Variants in CLIP2 observed in about 807,000 individuals in gnomAD.
The protein encoded by CLIP2 is CAP-Gly domain-containing linker protein 2.
A neutral mutation model predicts 111.7 loss-of-function variants in CLIP2; 41 were observed. That is an observed-to-expected ratio of 0.37 (90% CI 0.29 to 0.48). The LOEUF (loss-of-function observed/expected upper bound fraction) is 0.48. CLIP2 is among the 20% of genes least tolerant of loss of function. CLIP2 has a pLI of 0.99. For missense variants in CLIP2, 1,160 were observed against 1,422.1 expected (o/e 0.82, Z 2.96); for synonymous variants, 660 against 644.2 (o/e 1.02, Z -0.37).
Position 74,405,213 on chromosome 7 carries a change from C to G in CLIP2, c.*1365C>G, listed in dbSNP as rs775426990. On this transcript the variant is annotated 3_prime_UTR_variant, in exon 17 of 17. Coordinates refer to ENST00000223398, the MANE Select transcript of CLIP2 (RefSeq NM_003388.5). ...GCCAGCCTTGGCCCTGCAGCCTCCA[C>G]CTCGCCGCTGGGGGACCAACAGGTT... The G allele has an allele frequency of 5.3e-5, 8 of 152,340 alleles. No individual in the cohort carries two copies. Among genetic ancestry groups the G allele is most frequent in the Non-Finnish European group, 1.2e-4 (8 of 68,170 alleles). The allele number at this position is 152,340 out of a possible 1,614,324, so 9.4% of individuals were successfully genotyped here.
chr7:74,386,583 A>C lies in CLIP2; in HGVS notation c.2542A>C (p.Met848Leu), dbSNP rs1791107394. ...EVTALTSQTE[M>L]LRAQVSALES... is the part of the protein sequence containing the mutation. ...GACAGCCTTGACCTCCCAGACCGAG[A>C]TGCTCAGGGCCCAAGTAAGTGGTAA... The change falls in exon 12 of 17, where the codon ATG becomes CTG. Residue 848 changes from methionine to leucine, a missense_variant. By Grantham distance (15) the Met-to-Leu change is conservative. This residue lies in a region of CLIP2 where 676 missense variants were observed against 777.8 expected (regional missense o/e 0.87). Coordinates refer to ENST00000223398, the MANE Select transcript of CLIP2 (RefSeq NM_003388.5). The C allele has an allele frequency of 1.9e-6, 3 of 1,610,304 alleles. No individual in the cohort carries two copies. The highest frequency in any genetic ancestry group is 2.5e-6 in the Non-Finnish European group (3 of 1,178,514).
intron 10 of CLIP2, 39 bp from the exon 11 acceptor site, chr7:74,380,767 C>G: frequency 7.0e-6 from 11 of 1,563,960 alleles, no homozygotes; most frequent in Non-Finnish European, 8.7e-6. Context: ...GGCCAAGGGG[C>G]AGAGGTGAGC....
intron 10 of CLIP2, among the ~76,000 whole-genome samples, chr7:74,378,494 T>G (rs1211782562): frequency 6.6e-6 from 1 of 152,000 alleles, no homozygotes; most frequent in Non-Finnish European, 1.5e-5. Flanking sequence ...AATTCCAGCA[T>G]TTCGAGAGGC....
chr7:74,344,969 T>C (rs1206349926), intron 3 of CLIP2, among the ~76,000 whole-genome samples: 1 of 152,110 alleles, frequency 6.6e-6, no homozygotes, highest in Non-Finnish European at 1.5e-5. Context: ...CCAGCTGGGA[T>C]TGAGAAGGCC....
At chr7:74,403,777 G>A in intron 16 of CLIP2, 60 bp from the exon 17 acceptor site, 1 of 1,596,212 alleles carries the variant, frequency 6.3e-7, no homozygotes, top group Non-Finnish European at 8.6e-7. Context: ...CTCCCCTCTG[G>A]CCGCCTGGCC....
At chr7:74,308,757 G>A (rs903836948) in intron 1 of CLIP2, among the ~76,000 whole-genome samples, 1 of 151,970 alleles carries the variant, frequency 6.6e-6, no homozygotes, top group East Asian at 1.9e-4. Flanking sequence ...TGCCTGCCTC[G>A]GCCGTCTTTT....
Position 74,372,934 on chromosome 7 carries a change from C to A in CLIP2, c.1383C>A (p.Thr461=). 1 of 1,536,266 alleles carries A rather than the reference C, an allele frequency of 6.5e-7. No homozygotes were observed. The change falls in exon 9 of 17, where the codon ACC becomes ACA. Residue 461 remains threonine (T), a splice_region_variant and synonymous_variant. Coordinates refer to ENST00000223398, the MANE Select transcript of CLIP2 (RefSeq NM_003388.5). ...EESITKGDLE[T]QTQLEHARIG... ...CGTGTCCACCCTGGGTGGACCAGACCCAGACGCAGCTGGAGCACGCGCGCA... is the reference window on the plus strand; with the variant it reads ...CGTGTCCACCCTGGGTGGACCAGACACAGACGCAGCTGGAGCACGCGCGCA...
intron 1 of CLIP2, among the ~76,000 whole-genome samples, chr7:74,314,029 A>G (rs748912371): frequency 1.5e-4 from 23 of 152,086 alleles, no homozygotes; most frequent in Non-Finnish European, 2.8e-4. Context: ...ACTAAAATAC[A>G]AAAATTAGCC....
chr7:74,385,464 CAAAAA>C (rs147539922), intron 11 of CLIP2, among the ~76,000 whole-genome samples: 3 of 71,290 alleles, frequency 4.2e-5, no homozygotes, highest in Admixed American at 1.6e-4. Context: ...TAACCTGTCT[CAAAAA>C]AAAAAAAAAA....
chr7:74,339,552 C>T (rs528854800), intron 3 of CLIP2, among the ~76,000 whole-genome samples: 3 of 152,086 alleles, frequency 2.0e-5, no homozygotes, highest in East Asian at 1.9e-4. Flanking sequence ...GTGATCCACC[C>T]GCCTTGGCCT....
intron 8 of CLIP2, chr7:74,365,023 G>C (rs996479564): frequency 4.4e-5 from 14 of 317,308 alleles, no homozygotes; most frequent in East Asian, 8.5e-5. Flanking sequence ...GTGTGTGTGT[G>C]TGTGTGTGTG....
chr7:74,382,090 A>T (rs1466710131), intron 11 of CLIP2, among the ~76,000 whole-genome samples: 4 of 150,036 alleles, frequency 2.7e-5, no homozygotes, highest in Admixed American at 6.7e-5. Context: ...TTCTATTTGC[A>T]TTTTTTTTTT....
chr7:74,331,309 AC>A lies in CLIP2; in HGVS notation c.122-7138del, dbSNP rs546175064. 1.7e-4 allele frequency among the ~76,000 whole-genome samples: 25 copies of A among 150,154 alleles called. No individual in the cohort carries two copies. The East Asian group carries it at 4.9e-3, about 29-fold the overall frequency. ...GTGATTTCTTCCGTGGAATTGCTAG[AC>A]TGGGGGAAGGATGAGCCAGTAGAGC... is the stretch of plus-strand genomic sequence containing the variant. On this transcript the variant is annotated intron_variant, in intron 2 of 16. Transcript: ENST00000223398.
chr7:74,400,009 G>T (rs1210227440), intron 14 of CLIP2, among the ~76,000 whole-genome samples: 2 of 151,764 alleles, frequency 1.3e-5, no homozygotes, highest in Non-Finnish European at 1.5e-5. Context: ...GAAAAAATTA[G>T]CGGGGCGTGG....
At chr7:74,321,642 G>C (rs1227259514) in intron 2 of CLIP2, among the ~76,000 whole-genome samples, 1 of 151,844 alleles carries the variant, frequency 6.6e-6, no homozygotes, top group Non-Finnish European at 1.5e-5. Flanking sequence ...CTAATTTTTT[G>C]TATTTTTAGT....
intron 9 of CLIP2, among the ~76,000 whole-genome samples, chr7:74,373,609 A>C (rs1790700008): frequency 6.6e-6 from 1 of 151,972 alleles, no homozygotes; most frequent in African/African-American, 2.4e-5. Context: ...TCCCCAGCTT[A>C]TTGCCCCAGC....
At chr7:74,374,363 G>A (rs1345952260) in intron 9 of CLIP2, among the ~76,000 whole-genome samples, 3 of 152,154 alleles carry the variant, frequency 2.0e-5, no homozygotes, top group South Asian at 2.1e-4. Flanking sequence ...CAGTCACGGC[G>A]GACCGGCCGG....
chr7:74,348,789 C>CAAAAA (rs377752236), intron 3 of CLIP2, among the ~76,000 whole-genome samples: 1 of 108,416 alleles, frequency 9.2e-6, no homozygotes, highest in Non-Finnish European at 1.8e-5. Flanking sequence ...GACTCTGTCT[C>CAAAAA]AAAAAAAAAA....
At position 74,338,237 on chromosome 7, in the gene CLIP2, C is replaced by T. The variant is rs924934381; in HGVS notation, c.122-211C>T. 1.6e-4 allele frequency among the ~76,000 whole-genome samples: 24 copies of T among 152,086 alleles called. No homozygotes were observed. Among genetic ancestry groups the T allele is most frequent in the Non-Finnish European group, 3.4e-4 (23 of 68,042 alleles). Reference sequence around the variant, plus strand: ...TAAACAGGGGTTGGGTGTGGTGCCTCACGCCTGTAATCCCAGCAATTTGGG... The same window carrying T: ...TAAACAGGGGTTGGGTGTGGTGCCTTACGCCTGTAATCCCAGCAATTTGGG... On this transcript the variant is annotated intron_variant, in intron 2 of 16. Coordinates refer to ENST00000223398, the MANE Select transcript of CLIP2 (RefSeq NM_003388.5). This position sits in a 1 kb window ranked among gnomAD's most constrained non-coding sequence, Gnocchi z 4.3.
Sources: allele counts gnomAD v4.1 joint callset (sites outside exome capture counted in the v4.1 genomes callset), GRCh38; gene constraint gnomAD v4.1.1; regional missense constraint gnomAD v4.1.1; non-coding constraint Gnocchi (gnomAD v3.1); transcripts MANE v1.5; gene names NCBI Gene and HGNC (gene_info 2026-07-23, HGNC 2026-07-21).